CFAP57: variants seen among roughly 807,000 people sequenced by gnomAD.
CFAP57 encodes the protein cilia- and flagella-associated protein 57.
CFAP57 carries 116 observed loss-of-function variants against 146.8 expected under a neutral mutation model. That is an observed-to-expected ratio of 0.79 (90% CI 0.68 to 0.92). CFAP57 has a LOEUF of 0.92. Ranked by LOEUF, CFAP57 falls within the 40% of genes least tolerant of loss-of-function variation. CFAP57 has a pLI of 0.00. For synonymous variants in CFAP57, 518 were observed against 552.8 expected (o/e 0.94, Z 0.88); for missense variants, 1,377 against 1,527.2 (o/e 0.90, Z 1.64).
intron 6 of CFAP57, among the ~76,000 whole-genome samples, chr1:43,190,280 T>G (rs1643419811): frequency 6.9e-6 from 1 of 145,124 alleles, no homozygotes; most frequent in Non-Finnish European, 1.5e-5. Flanking sequence ...TTTTTTTTTT[T>G]TTTTTTTTGA....
chr1:43,219,247 A>T, intron 12 of CFAP57, 135 bp from the exon 13 acceptor site: 1 of 939,538 alleles, frequency 1.1e-6, no homozygotes, highest in South Asian at 1.9e-5. Context: ...TGGGGAAAAG[A>T]TGACAAGTTC....
rs1364971902 is a variant in CFAP57, at chr1:43,172,433, T to G, written c.-40T>G. 2 of 1,550,550 alleles carry G rather than the reference T, an allele frequency of 1.3e-6. No homozygotes were observed. The highest frequency in any genetic ancestry group is 1.7e-6 in the Non-Finnish European group (2 of 1,146,526). On this transcript the variant is annotated 5_prime_UTR_variant, in exon 1 of 23. Transcript: ENST00000372492. ...GCCTCTGGATACATGCGTGGTCTGC[T>G]GACCCAGAGAGAAACGAAAGGTGGG...
intron 5 of CFAP57, among the ~76,000 whole-genome samples, chr1:43,185,623 CTT>C (rs1265802738): frequency 6.8e-6 from 1 of 147,536 alleles, no homozygotes; most frequent in Non-Finnish European, 1.5e-5. Flanking sequence ...GGGTGGGTCT[CTT>C]GAACTCAGGA....
In CFAP57 at chr1:43,232,574, T is replaced by G. The variant is rs1313971801; in HGVS notation, c.3076T>G (p.Trp1026Gly). The change falls in exon 19 of 23, where the codon TGG (tryptophan) becomes GGG (glycine). Residue 1026 changes from tryptophan (W) to glycine (G), a missense_variant. Coordinates refer to ENST00000372492, the MANE Select transcript of CFAP57 (RefSeq NM_001378189.1). Reference sequence around the variant, plus strand: ...ACTGGAGCTGAACATCACAGAATTGTGGCAGAAACTGAGAGCCACCGATCA... The same window carrying G: ...ACTGGAGCTGAACATCACAGAATTGGGGCAGAAACTGAGAGCCACCGATCA... ...TQLELNITEL[W>G]QKLRATDQEM... The G allele has an allele frequency of 6.5e-7, 1 of 1,549,456 alleles. No homozygotes were observed. Among genetic ancestry groups the G allele is most frequent in the Non-Finnish European group, 8.7e-7 (1 of 1,146,194 alleles).
intron 9 of CFAP57, among the ~76,000 whole-genome samples, chr1:43,203,325 C>T (rs181707477): frequency 6.6e-6 from 1 of 152,010 alleles, no homozygotes; most frequent in Admixed American, 6.6e-5. Flanking sequence ...AAAAACTCTT[C>T]TAGAGAATTG....
At chr1:43,253,771 C>A (rs1271404426) in intron 22 of CFAP57, among the ~76,000 whole-genome samples, 1 of 152,080 alleles carries the variant, frequency 6.6e-6, no homozygotes, top group Non-Finnish European at 1.5e-5. Flanking sequence ...CAGTATTCAC[C>A]TCATCACTCT....
At chr1:43,240,039 C>T (rs1421765057) in intron 21 of CFAP57, among the ~76,000 whole-genome samples, 2 of 152,210 alleles carry the variant, frequency 1.3e-5, no homozygotes, top group Non-Finnish European at 2.9e-5. Flanking sequence ...GATATAAAGT[C>T]TGCAAGGAGA....
intron 9 of CFAP57, among the ~76,000 whole-genome samples, chr1:43,202,737 T>G (rs1477565800): frequency 6.7e-6 from 1 of 148,274 alleles, no homozygotes; most frequent in African/African-American, 2.5e-5. Flanking sequence ...GAGCCGAGAT[T>G]ATGCCACTGC....
chr1:43,222,778 G>A (rs549779341), intron 15 of CFAP57, 46 bp from the exon 16 acceptor site: 71 of 1,480,262 alleles, frequency 4.8e-5, no homozygotes, highest in Non-Finnish European at 6.0e-5. Context: ...ACAAAGATGT[G>A]TGAGTCCCTT....
At position 43,180,223 on chromosome 1, in the gene CFAP57, T is replaced by TTATATA. The variant is rs1289107795; in HGVS notation, c.158-1300_158-1295dup. Among the ~76,000 whole-genome samples, 50 of 137,392 alleles carry TTATATA rather than the reference T, an allele frequency of 3.6e-4. 1 individual carries two copies. The highest frequency in any genetic ancestry group is 1.0e-3 in the African/African-American group (36 of 36,036). The allele number at this position is 137,392 out of a possible 152,430, so 90.1% of individuals were successfully genotyped here. On this transcript the variant is annotated intron_variant, in intron 2 of 22. Transcript: ENST00000372492. ...CTCTATCTCAAAAAATATATATATT[T>TTATATA]TATATATATATATATAAAATATATA... is the stretch of plus-strand genomic sequence containing the variant.
chr1:43,213,543 G>C (rs1430043940), intron 11 of CFAP57, among the ~76,000 whole-genome samples: 1 of 151,510 alleles, frequency 6.6e-6, no homozygotes, highest in Non-Finnish European at 1.5e-5. Context: ...TCAATCTGCT[G>C]ATTTCCTTTC....
intron 12 of CFAP57, 78 bp from the exon 13 acceptor site, chr1:43,219,304 A>G (rs1644955391): frequency 2.1e-6 from 3 of 1,432,034 alleles, no homozygotes; most frequent in Non-Finnish European, 2.8e-6. Flanking sequence ...TGCAGGTCTC[A>G]GGTCAAGGCC....
In CFAP57 at chr1:43,209,801, C is replaced by T. The variant is rs1397955249; in HGVS notation, c.1814C>T (p.Ser605Phe). Residue 605 changes from serine to phenylalanine, a missense_variant, in exon 11 of 23, where the codon TCT (serine) becomes TTT (phenylalanine). Ser to Phe is a radical substitution (Grantham distance 155, BLOSUM62 -2). Coordinates refer to ENST00000372492, the MANE Select transcript of CFAP57 (RefSeq NM_001378189.1). ...VTYTAIVISH[S>F]GRMMFVGTSV... Reference sequence around the variant, plus strand: ...TACACCGCCATTGTCATCTCGCATTCTGGACGCATGATGTTTGTGGGCACC... The same window carrying T: ...TACACCGCCATTGTCATCTCGCATTTTGGACGCATGATGTTTGTGGGCACC... The T allele has an allele frequency of 6.2e-7, 1 of 1,614,188 alleles. No individual in the cohort carries two copies. The highest frequency in any genetic ancestry group is 8.5e-7 in the Non-Finnish European group (1 of 1,180,042).
At chr1:43,251,988 A>G (rs576510117) in intron 22 of CFAP57, among the ~76,000 whole-genome samples, 15 of 152,230 alleles carry the variant, frequency 9.9e-5, no homozygotes, top group Non-Finnish European at 1.8e-4. Flanking sequence ...GTAGAATAAG[A>G]GATACTGTTC....
Position 43,222,895 on chromosome 1 carries a change from C to T in CFAP57, c.2604C>T (p.Asp868=). 1 of 1,550,302 alleles carries T rather than the reference C, an allele frequency of 6.5e-7. No individual in the cohort carries two copies. Among genetic ancestry groups the T allele is most frequent in the Non-Finnish European group, 8.7e-7 (1 of 1,146,840 alleles). The change falls in exon 16 of 23, where the codon GAC becomes GAT. Residue 868 remains aspartate, a synonymous_variant. Transcript: ENST00000372492. The part of the protein sequence containing the change: ...ETKKQIEEDE[D]REIQDIKTKY... ...AGAAGCAGATTGAGGAAGATGAAGA[C>T]CGAGAAATCCAAGATATCAAAACCA...
intron 6 of CFAP57, among the ~76,000 whole-genome samples, chr1:43,188,816 T>C (rs542101213): frequency 5.9e-5 from 9 of 152,378 alleles, no homozygotes; most frequent in African/African-American, 1.9e-4. Context: ...TTCCATGTTA[T>C]ATTTAAGAAG....
chr1:43,234,346 A>G lies in CFAP57; in HGVS notation c.3194A>G (p.Gln1065Arg), dbSNP rs1372727560. 6.4e-7 allele frequency: 1 copy of G among 1,550,422 alleles called. No individual in the cohort carries two copies. Among genetic ancestry groups the G allele is most frequent in the South Asian group, 1.2e-5 (1 of 84,058 alleles). Residue 1065 changes from glutamine (Q) to arginine (R), a missense_variant, in exon 20 of 23, where the codon CAG (glutamine) becomes CGG (arginine). Gln to Arg is a conservative substitution (Grantham distance 43). Transcript: ENST00000372492. ...CTCCACAACTGCGTAGCCTATATTC[A>G]GGAACCGCGGCTGCTGAAGGAGAAG... ...TDLHNCVAYI[Q>R]EPRLLKEKVR... is the part of the protein sequence containing the mutation.
At position 43,238,021 on chromosome 1, in the gene CFAP57, G is replaced by A. The variant is rs1252554231; in HGVS notation, c.3405+3383G>A. Among the ~76,000 whole-genome samples, 3 of 152,214 alleles carry A rather than the reference G, an allele frequency of 2.0e-5. No individual in the cohort carries two copies. The highest frequency in any genetic ancestry group is 4.4e-5 in the Non-Finnish European group (3 of 68,040). ...TACTTGGAAAGGGGAAAGTTGTGGT[G>A]TCAAAAGGCATTTCAGAGTAGAAAT... On this transcript the variant is annotated intron_variant, in intron 21 of 22. Transcript: ENST00000372492. The surrounding 1 kb of genome is among the most constrained non-coding windows in gnomAD (Gnocchi z 4.3).
chr1:43,185,172 G>T lies in CFAP57; in HGVS notation c.785G>T (p.Ser262Ile). The T allele has an allele frequency of 6.2e-7, 1 of 1,614,140 alleles. No homozygotes were observed. Among genetic ancestry groups the T allele is most frequent in the South Asian group, 1.1e-5 (1 of 91,086 alleles). Residue 262 changes from serine to isoleucine, a missense_variant, in exon 5 of 23, where the codon AGT becomes ATT. Transcript: ENST00000372492. ...SESLIEFPPVSSPLPSYEQMV... is the reference protein window; with the variant it reads ...SESLIEFPPVISPLPSYEQMV... Reference sequence around the variant, plus strand: ...AGCCTGATTGAATTTCCACCAGTCAGTTCTCCACTCCCTTCCTATGAACAG... The same window carrying T: ...AGCCTGATTGAATTTCCACCAGTCATTTCTCCACTCCCTTCCTATGAACAG...
Sources: allele counts gnomAD v4.1 joint callset (sites outside exome capture counted in the v4.1 genomes callset), GRCh38; gene constraint gnomAD v4.1.1; non-coding constraint Gnocchi (gnomAD v3.1); transcripts MANE v1.5; gene names NCBI Gene and HGNC (gene_info 2026-07-23, HGNC 2026-07-21).